Variants in LHB observed in about 807,000 individuals in gnomAD.
LHB encodes lutropin subunit beta.
Under a neutral mutation model 10.6 loss-of-function variants are expected in LHB, and 11 were observed. The ratio of observed to expected loss-of-function variants is 1.04; its 90% CI spans 0.66 to 1.72. The LOEUF is 1.72. Ranked by LOEUF, LHB falls within the 40% of genes most tolerant of loss-of-function variation. The pLI is 0.00. For synonymous variants in LHB, 86 were observed against 83.1 expected, an observed-to-expected ratio of 1.03 and a Z score of -0.19; for missense variants, 184 against 197.3, an observed-to-expected ratio of 0.93 and a Z score of 0.41.
At chr19:49,019,436 C>A, upstream of LHB, 1 of 1,259,770 alleles carries the variant, frequency 7.9e-7, no homozygotes, top group Non-Finnish European at 1.0e-6. Context: ...CGCCGTCTAG[C>A]TCCGCAGCAG....
Position 49,016,121 on chromosome 19 carries a change from C to A in LHB, c.373G>T (p.Asp125Tyr), listed in dbSNP as rs867597840. 2 of 1,612,938 alleles carry A rather than the reference C, an allele frequency of 1.2e-6. No homozygotes were observed. Among genetic ancestry groups the A allele is most frequent in the Non-Finnish European group, 1.7e-6 (2 of 1,180,026 alleles). The part of the protein sequence containing the change: ...RSTSDCGGPK[D>Y]HPLTCDHPQL... ...GGGTGGTCACAGGTCAAGGGGTGGT[C>A]TTTGGGACCCCCACAGTCAGAGGTG... The change falls in exon 3 of 3, where the codon GAC becomes TAC. Residue 125 changes from aspartate (D) to tyrosine (Y), a missense_variant. Coordinates refer to ENST00000649238, the MANE Select transcript of LHB (RefSeq NM_000894.3).
chr19:49,017,265 A>C (rs896828908), upstream of LHB, among the ~76,000 whole-genome samples: 1 of 152,084 alleles, frequency 6.6e-6, no homozygotes, highest in Non-Finnish European at 1.5e-5. Context: ...CTCTCCCCTC[A>C]GTGGTCTAGC....
upstream of LHB, chr19:49,018,219 GGGGCGGCCGGGAGGAGCGCGGACA>G (rs557792822): frequency 5.4e-3 from 3,268 of 606,404 alleles, 14 homozygotes; most frequent in Non-Finnish European, 6.2e-3. Context: ...CGCGGTGGTC[GGGGCGGCCGGGAGGAGCGCGGACA>G]GGGCGGCCGC....
upstream of LHB, chr19:49,018,886 G>C (rs1195896894): frequency 2.6e-6 from 4 of 1,534,202 alleles, no homozygotes; most frequent in Admixed American, 7.8e-5. Context: ...GGATAGAACC[G>C]AAAGTCCCGC....
chr19:49,018,059 T>C (rs1278612921), upstream of LHB: 16 of 398,562 alleles, frequency 4.0e-5, no homozygotes, highest in East Asian at 5.7e-4. Context: ...GGGCTTCCAG[T>C]GCGGGCCGCC....
At chr19:49,019,299 T>TC (rs33917896), upstream of LHB, 2 of 1,229,674 alleles carry the variant, frequency 1.6e-6, no homozygotes, top group Admixed American at 3.8e-5. Flanking sequence ...GGTTCCGCTC[T>TC]GTCTTAAACC....
upstream of LHB, among the ~76,000 whole-genome samples, chr19:49,018,560 A>G (rs932601812): frequency 3.3e-5 from 5 of 151,954 alleles, no homozygotes; most frequent in South Asian, 2.1e-4. Flanking sequence ...GTAAAAGGGG[A>G]CTTTCGCTTC....
chr19:49,016,849 G>C lies in LHB; in HGVS notation c.16-135C>G, dbSNP rs2039564044. The stretch of plus-strand genomic sequence containing the variant: ...TCTCCTATTCAGGACCCACCACCCG[G>C]ACACCTGCCTTTCAGAGCCCACCCC... On this transcript the variant is annotated intron_variant, in intron 1 of 2. Coordinates refer to ENST00000649238, the MANE Select transcript of LHB (RefSeq NM_000894.3). 2.5e-6 allele frequency: 4 copies of C among 1,571,038 alleles called. No individual in the cohort carries two copies. The South Asian group carries it at 3.4e-5, about 13-fold the overall frequency.
At position 49,016,253 on chromosome 19, in the gene LHB, C is replaced by A. The variant is rs754210093; in HGVS notation, c.241G>T (p.Asp81Tyr). The A allele has an allele frequency of 1.9e-6, 3 of 1,612,430 alleles. No homozygotes were observed. In the South Asian group the frequency reaches 3.3e-5, roughly 18 times the overall value. Residue 81 changes from aspartate (D) to tyrosine (Y), a missense_variant, in exon 3 of 3, where the codon GAT (aspartate) becomes TAT (tyrosine). By Grantham distance (160) the Asp-to-Tyr change is radical. Coordinates refer to ENST00000649238, the MANE Select transcript of LHB (RefSeq NM_000894.3). ...AGCCGGATGGACTCGAAGCGCACAT[C>A]ACGGTAGGTGCACACCACCTGAGGC... Reference protein sequence around the residue: ...PLPQVVCTYRDVRFESIRLPG... With the variant: ...PLPQVVCTYRYVRFESIRLPG...
chr19:49,017,978 G>A (rs2039587456), upstream of LHB: 2 of 398,430 alleles, frequency 5.0e-6, no homozygotes, highest in African/African-American at 2.1e-5. Context: ...TCACACCAGC[G>A]CCGGCTTCAA....
chr19:49,016,216 G>C lies in LHB; in HGVS notation c.278C>G (p.Pro93Arg), dbSNP rs532920492. The change falls in exon 3 of 3, where the codon CCG becomes CGG. Residue 93 changes from proline (P) to arginine (R), a missense_variant. Pro to Arg is a moderately radical substitution (Grantham distance 103). Transcript: ENST00000649238. Reference protein sequence around the residue: ...RFESIRLPGCPRGVDPVVSFP... With the variant: ...RFESIRLPGCRRGVDPVVSFP... ...GGAGACCACGGGGTCCACACCACGC[G>C]GGCAGCCAGGGAGCCGGATGGACTC... 1.3e-4 allele frequency: 208 copies of C among 1,612,522 alleles called. No homozygotes were observed. In the East Asian group the frequency reaches 2.4e-3, roughly 19 times the overall value.
upstream of LHB, among the ~76,000 whole-genome samples, chr19:49,017,328 G>C (rs1211812348): frequency 6.6e-6 from 1 of 152,108 alleles, no homozygotes; most frequent in Non-Finnish European, 1.5e-5. Flanking sequence ...CCCAGTTGTC[G>C]AGTGCTAGGG....
intron 1 of LHB, 71 bp downstream of exon 1, chr19:49,016,996 G>A (rs2039566739): frequency 6.2e-7 from 1 of 1,612,468 alleles, no homozygotes; most frequent in Admixed American, 1.7e-5. Context: ...AGCTCACACG[G>A]GTCTGCCCCT....
upstream of LHB, chr19:49,017,137 C>T (rs1418315220): frequency 6.2e-6 from 10 of 1,612,804 alleles, no homozygotes; most frequent in South Asian, 3.3e-5. Flanking sequence ...GTTGTGGGGG[C>T]GGCAAGGCCA....
chr19:49,018,122 A>AG, upstream of LHB: 2 of 399,496 alleles, frequency 5.0e-6, no homozygotes, highest in Non-Finnish European at 8.8e-6. Context: ...CGGGTGCAGC[A>AG]GGGGGCTGTA....
upstream of LHB, chr19:49,017,700 T>A (rs2039581434): frequency 1.8e-6 from 1 of 544,540 alleles, no homozygotes; most frequent in South Asian, 9.4e-5. Context: ...GTGGTTCAGG[T>A]GATTTAACTC....
chr19:49,017,746 C>T, upstream of LHB: 1 of 424,028 alleles, frequency 2.4e-6, no homozygotes. Context: ...GTGTCTTGCC[C>T]CCGGGGCCAC....
At chr19:49,018,350 C>A, upstream of LHB, 1 of 1,218,390 alleles carries the variant, frequency 8.2e-7, no homozygotes, top group South Asian at 4.2e-5. Flanking sequence ...CCTGTGGGAG[C>A]AGGGCGGGAT....
chr19:49,016,527 C>T lies in LHB; in HGVS notation c.183+20G>A, dbSNP rs2039556497. 1 of 1,542,230 alleles carries T rather than the reference C, an allele frequency of 6.5e-7. No homozygotes were observed. Among genetic ancestry groups the T allele is most frequent in the African/African-American group, 1.9e-5 (1 of 53,030 alleles). On this transcript the variant is annotated intron_variant, in intron 2 of 2. Transcript: ENST00000649238. ...TGGCCCTGAGGTGGCAGCATCTGCC[C>T]CTGGCCCCAGGCAGCTCACCATGGT...
Sources: gnomAD v4.1 joint callset for allele counts (sites outside exome capture counted in the v4.1 genomes callset) on GRCh38, gnomAD v4.1.1 for gene constraint, MANE v1.5 for transcripts, NCBI Gene and HGNC (gene_info 2026-07-23, HGNC 2026-07-21) for gene names.